The following DLG2 variants were observed in gnomAD, a reference collection of about 807,000 sequenced individuals.
DLG2 encodes the protein discs large MAGUK scaffold protein 2, also known as disks large homolog 2.
A neutral mutation model predicts 132.5 loss-of-function variants in DLG2; 45 were observed. The ratio of observed to expected loss-of-function variants is 0.34; its 90% CI spans 0.27 to 0.44. The LOEUF is 0.44. Ranked by LOEUF, DLG2 falls within the 20% of genes least tolerant of loss-of-function variation. The pLI, the probability that DLG2 is intolerant of heterozygous loss-of-function variation, is 1.00. For missense variants in DLG2, 1,045 were observed against 1,196.9 expected, an observed-to-expected ratio of 0.87 and a Z score of 1.87; for synonymous variants, 424 against 419.6, an observed-to-expected ratio of 1.01 and a Z score of -0.13.
At chr11:85,515,386 T>C (rs530237228) in intron 3 of DLG2, among the ~76,000 whole-genome samples, 126 of 152,084 alleles carry the variant, frequency 8.3e-4, no homozygotes, top group Admixed American at 1.5e-3. Flanking sequence ...TGGACTTTTG[T>C]GTCAAGCAGA....
chr11:85,221,426 G>A (rs982549717), intron 4 of DLG2, among the ~76,000 whole-genome samples: 11 of 152,178 alleles, frequency 7.2e-5, no homozygotes, highest in Admixed American at 4.6e-4. Context: ...GTATTAGACA[G>A]ATAGAATATT....
At chr11:84,272,095 C>A (rs1226985797) in intron 7 of DLG2, 1 of 164,820 alleles carries the variant, frequency 6.1e-6, no homozygotes, top group Admixed American at 6.5e-5. Flanking sequence ...AGACTTCTTA[C>A]AAAAATTATA....
intron 3 of DLG2, among the ~76,000 whole-genome samples, chr11:85,292,289 G>C (rs2078943070): frequency 6.6e-6 from 1 of 152,048 alleles, no homozygotes; most frequent in South Asian, 2.1e-4. Flanking sequence ...CCTATCTTAG[G>C]CTTTGTACCA....
intron 16 of DLG2, among the ~76,000 whole-genome samples, chr11:83,870,622 G>T (rs1300488763): frequency 6.6e-6 from 1 of 152,128 alleles, no homozygotes; most frequent in Non-Finnish European, 1.5e-5. Context: ...AGCTGTGGGG[G>T]CCAACTCTCA....
At chr11:84,196,998 C>G (rs1023652501) in intron 8 of DLG2, among the ~76,000 whole-genome samples, 1 of 130,256 alleles carries the variant, frequency 7.7e-6, no homozygotes, top group African/African-American at 2.9e-5. Context: ...GATCACCCCA[C>G]TGCACTTCAG....
At chr11:84,254,767 A>G (rs902105539) in intron 7 of DLG2, among the ~76,000 whole-genome samples, 3 of 152,216 alleles carry the variant, frequency 2.0e-5, no homozygotes, top group Admixed American at 6.5e-5. Context: ...TTTGAAGGAT[A>G]AGATCTATGT....
chr11:83,769,322 T>G (rs568650297), intron 18 of DLG2, among the ~76,000 whole-genome samples: 64 of 152,298 alleles, frequency 4.2e-4, no homozygotes, highest in Non-Finnish European at 6.5e-4. Context: ...AAATTTTTAT[T>G]GATCAATTGA....
At chr11:84,533,455 G>C (rs1212626547) in intron 7 of DLG2, among the ~76,000 whole-genome samples, 1 of 152,058 alleles carries the variant, frequency 6.6e-6, no homozygotes, top group Non-Finnish European at 1.5e-5. Context: ...CATATTTTTA[G>C]TTACTATATA....
At chr11:85,320,938 T>G (rs500307) in intron 3 of DLG2, among the ~76,000 whole-genome samples, 131,565 of 151,528 alleles carry the variant, frequency 0.87, 57,420 homozygotes, top group Middle Eastern at 0.92. Context: ...TCAATGGAAG[T>G]TTTCGAATAG....
At chr11:84,794,221 A>C (rs981902394) in intron 6 of DLG2, among the ~76,000 whole-genome samples, 2 of 152,278 alleles carry the variant, frequency 1.3e-5, no homozygotes, top group African/African-American at 4.8e-5. Context: ...CAGCAAGGTG[A>C]ATATAGTCAA....
chr11:83,664,384 A>ATGGC (rs1194956362), intron 18 of DLG2, among the ~76,000 whole-genome samples: 1 of 151,396 alleles, frequency 6.6e-6, no homozygotes, highest in Non-Finnish European at 1.5e-5. Context: ...GGGAGTGGGA[A>ATGGC]TGGCTGGTAG....
At chr11:84,821,758 T>C (rs972522535) in intron 6 of DLG2, among the ~76,000 whole-genome samples, 5 of 151,708 alleles carry the variant, frequency 3.3e-5, no homozygotes, top group Non-Finnish European at 1.5e-5. Context: ...GATAACCCAT[T>C]GTGTATTACA....
At chr11:85,499,220 G>A (rs1042659797) in intron 3 of DLG2, among the ~76,000 whole-genome samples, 5 of 151,774 alleles carry the variant, frequency 3.3e-5, no homozygotes, top group Non-Finnish European at 7.4e-5. Context: ...AAGAAGGAAA[G>A]AGAGAAGAAT....
intron 7 of DLG2, among the ~76,000 whole-genome samples, chr11:84,320,458 G>T (rs191840921): frequency 6.6e-6 from 1 of 152,044 alleles, no homozygotes; most frequent in Non-Finnish European, 1.5e-5. Flanking sequence ...CAAGTAATAC[G>T]CCAAATAATC....
chr11:84,630,587 C>T (rs2099629842), intron 6 of DLG2, among the ~76,000 whole-genome samples: 2 of 152,104 alleles, frequency 1.3e-5, no homozygotes, highest in Admixed American at 6.6e-5. Flanking sequence ...AATAGAGCCA[C>T]TGATAGTATG....
At chr11:84,950,577 A>C (rs188478330) in intron 6 of DLG2, among the ~76,000 whole-genome samples, 64 of 152,278 alleles carry the variant, frequency 4.2e-4, no homozygotes, top group Non-Finnish European at 7.5e-4. Context: ...GCTCCTAAAA[A>C]TGCTGTTTGT....
chr11:84,016,840 G>T (rs1421261313), intron 11 of DLG2, among the ~76,000 whole-genome samples: 1 of 152,062 alleles, frequency 6.6e-6, no homozygotes, highest in Non-Finnish European at 1.5e-5. Flanking sequence ...GTACAACCAA[G>T]ATTTACATAG....
At position 83,462,084 on chromosome 11, in the gene DLG2, A is replaced by G. The variant is rs2090135100; in HGVS notation, c.2739T>C (p.Asn913=). 6.2e-7 allele frequency: 1 copy of G among 1,608,392 alleles called. No individual in the cohort carries two copies. The highest frequency in any genetic ancestry group is 8.5e-7 in the Non-Finnish European group (1 of 1,174,828). ...TGGCTTGTTCCTCTGTTAGACGCTT[A>G]TTCATCTCCCTGGGAAAATGAGGGT... ...PRSLEPLMEM[N]KRLTEEQAKK... The change falls in exon 27 of 28, where the codon AAT becomes AAC. Residue 913 remains asparagine, a synonymous_variant. Transcript: ENST00000376104.
At chr11:83,506,319 A>G (rs1441465317) in intron 21 of DLG2, among the ~76,000 whole-genome samples, 1 of 152,232 alleles carries the variant, frequency 6.6e-6, no homozygotes, top group East Asian at 1.9e-4. Flanking sequence ...AAATCAATAA[A>G]TTCAGCCTGA....
Sources: allele counts gnomAD v4.1 joint callset (sites outside exome capture counted in the v4.1 genomes callset), GRCh38; gene constraint gnomAD v4.1.1; transcripts MANE v1.5; gene names NCBI Gene and HGNC (gene_info 2026-07-23, HGNC 2026-07-21).